Variants in UMAD1 observed in about 807,000 individuals in gnomAD.
The protein encoded by UMAD1 is UBAP1-MVB12-associated (UMA)-domain containing protein 1.
Under a neutral mutation model 6.1 loss-of-function variants are expected in UMAD1, and 8 were observed. That is an observed-to-expected ratio of 1.30 (90% confidence interval 0.76 to 2.35). The LOEUF is 2.35. UMAD1 is among the 30% of genes most tolerant of loss of function. The pLI is 0.00. For synonymous variants in UMAD1, 56 were observed against 31.4 expected, an observed-to-expected ratio of 1.78 and a Z score of -2.61; for missense variants, 130 against 78.4, an observed-to-expected ratio of 1.66 and a Z score of -2.49.
At chr7:7,718,325 C>T (rs910887482) in intron 2 of UMAD1, among the ~76,000 whole-genome samples, 3 of 152,162 alleles carry the variant, frequency 2.0e-5, no homozygotes, top group Non-Finnish European at 4.4e-5. Flanking sequence ...ATCGATGATA[C>T]TGTATGCATA....
intron 3 of UMAD1, among the ~76,000 whole-genome samples, chr7:7,845,659 G>T (rs1783769887): frequency 6.6e-6 from 1 of 152,006 alleles, no homozygotes; most frequent in Non-Finnish European, 1.5e-5. Flanking sequence ...TCATAAATTT[G>T]AAATATCAGT....
chr7:7,805,519 C>T (rs1297605448), intron 3 of UMAD1, among the ~76,000 whole-genome samples: 4 of 151,764 alleles, frequency 2.6e-5, no homozygotes, highest in South Asian at 2.1e-4. Context: ...ATTCTTTCTC[C>T]TCCAGCCCAT....
intron 2 of UMAD1, among the ~76,000 whole-genome samples, chr7:7,729,239 T>C (rs916488297): frequency 6.6e-6 from 1 of 152,018 alleles, no homozygotes; most frequent in Non-Finnish European, 1.5e-5. Context: ...GGATGGAGCA[T>C]GGAACATGAT....
At chr7:7,861,905 T>C (rs986696192) in intron 3 of UMAD1, among the ~76,000 whole-genome samples, 3 of 152,214 alleles carry the variant, frequency 2.0e-5, no homozygotes, top group African/African-American at 7.2e-5. Flanking sequence ...AAGCATACAT[T>C]TTCAGCATAT....
At chr7:7,651,955 C>A in intron 1 of UMAD1, among the ~76,000 whole-genome samples, 1 of 152,170 alleles carries the variant, frequency 6.6e-6, no homozygotes, top group Non-Finnish European at 1.5e-5. Context: ...GCCCTCCTGA[C>A]TCCTCCCTCT....
At chr7:7,643,133 C>G (rs918228206) in intron 1 of UMAD1, among the ~76,000 whole-genome samples, 1 of 152,088 alleles carries the variant, frequency 6.6e-6, no homozygotes, top group Non-Finnish European at 1.5e-5. Flanking sequence ...AATGATAATT[C>G]TGCAGCGCCA....
At chr7:7,737,811 A>T (rs11766846) in intron 2 of UMAD1, among the ~76,000 whole-genome samples, 31,945 of 152,122 alleles carry the variant, frequency 0.21, 3,875 homozygotes, top group African/African-American at 0.34. Flanking sequence ...AGAATGTGGA[A>T]TGTGGGCAGA....
chr7:7,731,187 G>A (rs1583781964), intron 2 of UMAD1, among the ~76,000 whole-genome samples: 1 of 146,334 alleles, frequency 6.8e-6, no homozygotes, highest in African/African-American at 2.7e-5. Context: ...TCAGTAGAGA[G>A]GGGGGGGTTC....
chr7:7,817,493 A>C (rs1056503913), intron 3 of UMAD1, among the ~76,000 whole-genome samples: 2 of 152,186 alleles, frequency 1.3e-5, no homozygotes, highest in Admixed American at 1.3e-4. Flanking sequence ...TATATTTGAA[A>C]CATTACTTCA....
At chr7:7,652,337 T>G (rs970820295) in intron 1 of UMAD1, among the ~76,000 whole-genome samples, 1 of 152,222 alleles carries the variant, frequency 6.6e-6, no homozygotes, top group African/African-American at 2.4e-5. Flanking sequence ...GACTCAGACT[T>G]TGAGATATGG....
chr7:7,784,881 G>C (rs1036856252), intron 2 of UMAD1, among the ~76,000 whole-genome samples: 37 of 148,062 alleles, frequency 2.5e-4, no homozygotes, highest in African/African-American at 8.1e-4. Context: ...TCCTGCCTCA[G>C]CCTCCCGAGT....
At position 7,877,465 on chromosome 7, in the gene UMAD1, A is replaced by G. The variant is rs1245432421; in HGVS notation, c.341A>G (p.Tyr114Cys). The G allele has an allele frequency of 8.4e-6, 6 of 717,664 alleles. No individual in the cohort carries two copies. The highest frequency in any genetic ancestry group is 2.3e-4 in the Middle Eastern group (1 of 4,370). 44.5% of individuals were successfully genotyped at this position (717,664 alleles called of 1,614,324 possible). A position where few individuals can be genotyped will look rare whatever the true frequency, so the allele number is the denominator to read the frequency against. ...GACCTTCCCGACCACTTACTCTCCT[A>G]TGATGGCAGCGAAAACTTATCACGG... is the stretch of plus-strand genomic sequence containing the variant. ...ITDLPDHLLS[Y>C]DGSENLSRFW... The change falls in exon 4 of 4, where the codon TAT (tyrosine) becomes TGT (cysteine). Residue 114 changes from tyrosine to cysteine, a missense_variant. Transcript: ENST00000682710.
chr7:7,766,874 AT>A (rs1398321735), intron 2 of UMAD1, among the ~76,000 whole-genome samples: 1 of 152,190 alleles, frequency 6.6e-6, no homozygotes, highest in Non-Finnish European at 1.5e-5. Flanking sequence ...CTGACTGCAC[AT>A]TGGTGAACTC....
chr7:7,840,783 T>TTAGA (rs1244019084), intron 3 of UMAD1, among the ~76,000 whole-genome samples: 5 of 152,220 alleles, frequency 3.3e-5, no homozygotes, highest in African/African-American at 9.6e-5. Context: ...AGCACTAGTT[T>TTAGA]TAGATGATCA....
intron 2 of UMAD1, among the ~76,000 whole-genome samples, chr7:7,786,541 A>G (rs1051156932): frequency 1.1e-4 from 16 of 152,212 alleles, no homozygotes; most frequent in Admixed American, 5.2e-4. Flanking sequence ...GATGGTTTAC[A>G]GAAGAGTAAA....
intron 2 of UMAD1, among the ~76,000 whole-genome samples, chr7:7,690,996 C>T (rs1020789576): frequency 2.6e-5 from 4 of 152,136 alleles, no homozygotes; most frequent in Admixed American, 2.6e-4. Flanking sequence ...TCTAGGTCTC[C>T]AAAGTTACAG....
intron 3 of UMAD1, among the ~76,000 whole-genome samples, chr7:7,828,872 T>C (rs111859959): frequency 0.015 from 2,251 of 152,264 alleles, 54 homozygotes; most frequent in African/African-American, 0.051. Flanking sequence ...GGTCTTTGAA[T>C]GTCAAATTCA....
chr7:7,743,006 T>G (rs1209613452), intron 2 of UMAD1, among the ~76,000 whole-genome samples: 1 of 125,994 alleles, frequency 7.9e-6, no homozygotes, highest in Admixed American at 7.3e-5. Flanking sequence ...AGGTTGTTTT[T>G]GTTTGGTCTC....
intron 3 of UMAD1, among the ~76,000 whole-genome samples, chr7:7,827,803 T>A (rs1050314252): frequency 2.0e-5 from 3 of 152,160 alleles, no homozygotes; most frequent in Non-Finnish European, 2.9e-5. Context: ...CTACCTCCAA[T>A]AAGACAATTC....
Sources: allele counts gnomAD v4.1 joint callset (sites outside exome capture counted in the v4.1 genomes callset), GRCh38; gene constraint gnomAD v4.1.1; transcripts MANE v1.5; gene names NCBI Gene and HGNC (gene_info 2026-07-23, HGNC 2026-07-21).